Variants in TADA2A observed in about 807,000 individuals in gnomAD.
TADA2A encodes the protein transcriptional adaptor 2A, also known as transcriptional adapter 2-alpha.
In TADA2A, 38 loss-of-function variants were observed where a neutral mutation model predicts 67.4. That is an observed-to-expected ratio of 0.56 (90% confidence interval 0.44 to 0.74). TADA2A has a LOEUF of 0.74. Ranked by LOEUF, TADA2A falls within the 30% of genes least tolerant of loss-of-function variation. The pLI is 0.00. For synonymous variants in TADA2A, 192 were observed against 181.6 expected (o/e 1.06, Z -0.46); for missense variants, 454 against 547.0 (o/e 0.83, Z 1.70).
intron 5 of TADA2A, 113 bp downstream of exon 5, chr17:37,437,942 C>T (rs561548860): frequency 9.9e-7 from 1 of 1,011,694 alleles, no homozygotes; most frequent in African/African-American, 1.6e-5. Flanking sequence ...GCTTTCCTAT[C>T]AACCCATGAT....
intron 13 of TADA2A, 86 bp from the exon 14 acceptor site, chr17:37,471,001 CCTACCTG>C: frequency 8.3e-7 from 1 of 1,209,938 alleles, no homozygotes; most frequent in South Asian, 1.2e-5. Context: ...TTCAAGGTGA[CCTACCTG>C]ATAAATGGCA....
intron 6 of TADA2A, among the ~76,000 whole-genome samples, chr17:37,442,135 G>A (rs1318168000): frequency 1.3e-5 from 2 of 151,180 alleles, no homozygotes; most frequent in Non-Finnish European, 2.9e-5. Context: ...TGGGACTAGT[G>A]TGTGTTGGAG....
chr17:37,468,331 A>G (rs2053712130), intron 12 of TADA2A, among the ~76,000 whole-genome samples: 2 of 152,142 alleles, frequency 1.3e-5, no homozygotes, highest in African/African-American at 4.8e-5. Context: ...ACAAACTTAT[A>G]AAGTACCGTT....
Position 37,477,014 on chromosome 17 carries a change from G to T in TADA2A, c.*32G>T, listed in dbSNP as rs778155289. ...AAGAGCTTGGGATCAGAAGTCAGAAGTTTGGAATGTGGTGGGTCAAAGGAC... is the reference window on the plus strand; with the variant it reads ...AAGAGCTTGGGATCAGAAGTCAGAATTTTGGAATGTGGTGGGTCAAAGGAC... On this transcript the variant is annotated 3_prime_UTR_variant, in exon 16 of 16. Transcript: ENST00000615182. 6.3e-7 allele frequency: 1 copy of T among 1,580,324 alleles called. No individual in the cohort carries two copies.
rs568641118 is a variant in TADA2A at position 37,420,208 on chromosome 17, G to A, written c.26-3301G>A. 3.4e-5 allele frequency among the ~76,000 whole-genome samples: 5 copies of A among 146,080 alleles called. 1 individual carries two copies. In the Admixed American group the frequency reaches 3.5e-4, roughly 10 times the overall value. ...CTCACTCCTGTAATCACAGTACTTT[G>A]GGAGGCTGGGGCAGAAGGATCACTT... On this transcript the variant is annotated intron_variant, in intron 2 of 15. Coordinates refer to ENST00000615182, the MANE Select transcript of TADA2A (RefSeq NM_001166105.3).
At chr17:37,474,430 A>G in intron 14 of TADA2A, 126 bp from the exon 15 acceptor site, 1 of 808,842 alleles carries the variant, frequency 1.2e-6, no homozygotes, top group East Asian at 2.7e-5. Context: ...ATGGGACAGG[A>G]TTTCCTAAGC....
At chr17:37,469,462 C>T (rs1037873058) in intron 12 of TADA2A, among the ~76,000 whole-genome samples, 4 of 151,742 alleles carry the variant, frequency 2.6e-5, no homozygotes, top group South Asian at 4.2e-4. Context: ...GGAGAAACCC[C>T]GTGTCTACTA....
intron 3 of TADA2A, among the ~76,000 whole-genome samples, chr17:37,425,026 C>T (rs2052363781): frequency 6.6e-6 from 1 of 152,096 alleles, no homozygotes; most frequent in East Asian, 1.9e-4. Context: ...GTTACAGGTG[C>T]ATGCCACCAT....
intron 14 of TADA2A, among the ~76,000 whole-genome samples, chr17:37,474,250 TAATA>T (rs977870018): frequency 2.0e-5 from 3 of 152,092 alleles, no homozygotes; most frequent in Non-Finnish European, 4.4e-5. Flanking sequence ...AAAATAATAA[TAATA>T]AATAAGAGAT....
intron 5 of TADA2A, among the ~76,000 whole-genome samples, chr17:37,438,928 T>G (rs1449225381): frequency 1.3e-5 from 2 of 152,218 alleles, no homozygotes; most frequent in African/African-American, 4.8e-5. Flanking sequence ...CTAAGAATTA[T>G]GAGATGCATC....
At chr17:37,413,412 C>A (rs1440193107) in intron 2 of TADA2A, among the ~76,000 whole-genome samples, 1 of 152,166 alleles carries the variant, frequency 6.6e-6, no homozygotes, top group East Asian at 1.9e-4. Context: ...GAAATAATTT[C>A]AAACTTAAGT....
At chr17:37,423,791 C>G (rs892514185) in intron 3 of TADA2A, among the ~76,000 whole-genome samples, 176 bp downstream of exon 3, 19 of 150,520 alleles carry the variant, frequency 1.3e-4, no homozygotes, top group African/African-American at 4.7e-4. Context: ...ACTCAGTCGC[C>G]CAGGCTGGAG....
At chr17:37,446,086 G>GA (rs2053069415) in intron 8 of TADA2A, among the ~76,000 whole-genome samples, 1 of 121,662 alleles carries the variant, frequency 8.2e-6, no homozygotes, top group Admixed American at 9.5e-5. Context: ...TTGAGCGGTG[G>GA]GTTTTTTTTT....
At chr17:37,407,606 C>T (rs2051633292) in intron 1 of TADA2A, 1 of 151,186 alleles carries the variant, frequency 6.6e-6, no homozygotes, top group Non-Finnish European at 1.5e-5. Flanking sequence ...GAAGATTCTG[C>T]AGACTGCAAT....
At position 37,475,668 on chromosome 17, in the gene TADA2A, G is replaced by T. The variant is rs183245642; in HGVS notation, c.1146+1039G>T. 1.8e-4 allele frequency among the ~76,000 whole-genome samples: 28 copies of T among 152,160 alleles called. No individual in the cohort carries two copies. In the East Asian group the frequency reaches 4.8e-3, roughly 26 times the overall value. On this transcript the variant is annotated intron_variant, in intron 15 of 15. Transcript: ENST00000615182. The stretch of plus-strand genomic sequence containing the variant: ...TTTAGTAGAGACGGGGTTTCACCTT[G>T]TTAGCCAGGCTGGTCTCGAACTCCT...
At position 37,411,436 on chromosome 17, in the gene TADA2A, T is replaced by C. The variant is rs1422469972; in HGVS notation, c.25+46T>C. The C allele has an allele frequency of 2.5e-6, 4 of 1,570,186 alleles. No homozygotes were observed. In the African/African-American group the frequency reaches 4.1e-5, roughly 16 times the overall value. ...TCTCAGGTGACTTATTATTATTTTTTTTTTGAGATGGACTCTCCCTCTGTT... is the reference window on the plus strand; with the variant it reads ...TCTCAGGTGACTTATTATTATTTTTCTTTTGAGATGGACTCTCCCTCTGTT... On this transcript the variant is annotated intron_variant, in intron 2 of 15. Coordinates refer to ENST00000615182, the MANE Select transcript of TADA2A (RefSeq NM_001166105.3).
At chr17:37,428,667 G>C (rs186210638) in intron 4 of TADA2A, among the ~76,000 whole-genome samples, 1 of 152,180 alleles carries the variant, frequency 6.6e-6, no homozygotes, top group East Asian at 1.9e-4. Flanking sequence ...CTGTAACCTC[G>C]ACCTCCCAGG....
chr17:37,430,342 C>T (rs371671761), intron 4 of TADA2A, among the ~76,000 whole-genome samples: 8 of 152,254 alleles, frequency 5.3e-5, no homozygotes, highest in African/African-American at 1.9e-4. Context: ...GTGAATCTTT[C>T]CTTCTATAGG....
chr17:37,458,637 T>TTTTA (rs1230849870), intron 9 of TADA2A, 50 bp downstream of exon 9: 4 of 981,466 alleles, frequency 4.1e-6, no homozygotes, highest in African/African-American at 1.7e-5. Flanking sequence ...GATTATTGTT[T>TTTTA]TGTGTGTGTG....
Sources: allele counts gnomAD v4.1 joint callset (sites outside exome capture counted in the v4.1 genomes callset), GRCh38; gene constraint gnomAD v4.1.1; transcripts MANE v1.5; gene names NCBI Gene and HGNC (gene_info 2026-07-23, HGNC 2026-07-21).